DNAH17: variants seen among roughly 807,000 people sequenced by gnomAD.
The protein encoded by DNAH17 is dynein axonemal heavy chain 17, also known as axonemal beta dynein heavy chain 17.
DNAH17 carries 376 observed loss-of-function variants against 485.6 expected under a neutral mutation model. The observed-to-expected ratio is 0.77, with a 90% CI of 0.71 to 0.84. DNAH17 has a LOEUF of 0.84. Ranked by LOEUF, DNAH17 falls within the 40% of genes least tolerant of loss-of-function variation. The probability of loss-of-function intolerance (pLI) is 0.00; values close to 1 mark genes in which losing one functional copy is unlikely to be tolerated. For synonymous variants in DNAH17, 3,031 were observed against 2,405.9 expected (o/e 1.26, Z -7.60); for missense variants, 6,370 against 5,839.3 (o/e 1.09, Z -2.96).
Position 78,572,731 on chromosome 17 carries a change from CTG to C in DNAH17, c.507_508del (p.Ser170ProfsTer24). 1 of 1,610,886 alleles carries C rather than the reference CTG, an allele frequency of 6.2e-7. No individual in the cohort carries two copies. ...CATGGACTCCAGCGTGCCATCCAGG[CTG>C]CCCAGGTGCTCCGGAATAGGCAGCA... On this transcript the variant is annotated frameshift_variant, in exon 3 of 81. Transcript: ENST00000389840. LOFTEE classifies it high-confidence loss of function.
At chr17:78,557,889 C>T (rs541424834) in intron 14 of DNAH17, among the ~76,000 whole-genome samples, 4 of 151,952 alleles carry the variant, frequency 2.6e-5, no homozygotes, top group South Asian at 2.1e-4. Context: ...CAGAACAGGA[C>T]GGCAGGACAG....
At chr17:78,514,401 A>C (rs1039882904) in intron 26 of DNAH17, among the ~76,000 whole-genome samples, 1 of 147,140 alleles carries the variant, frequency 6.8e-6, no homozygotes, top group African/African-American at 2.5e-5. Context: ...GCTACTTGGG[A>C]GGCTAAGGCA....
In DNAH17 at chr17:78,574,988, G is replaced by C. The variant is rs755496520; in HGVS notation, c.70C>G (p.Pro24Ala). ...CCTATCAGCTTGCTCCACTTGTCCG[G>C]CTTGAACTTCAGGACGATGGAGGCA... Reference protein sequence around the residue: ...EVASIVLKFKPDKWSKLIGAE... With the variant: ...EVASIVLKFKADKWSKLIGAE... Residue 24 changes from proline (P) to alanine (A), a missense_variant, in exon 2 of 81, where the codon CCG becomes GCG. Transcript: ENST00000389840. 6.8e-6 allele frequency: 11 copies of C among 1,613,862 alleles called. No homozygotes were observed. Among genetic ancestry groups the C allele is most frequent in the Non-Finnish European group, 6.8e-6 (8 of 1,179,888 alleles).
In DNAH17 at chr17:78,449,560, C is replaced by G. The variant is rs769798737; in HGVS notation, c.11065G>C (p.Ala3689Pro). 6 of 1,606,650 alleles carry G rather than the reference C, an allele frequency of 3.7e-6. No individual in the cohort carries two copies. The East Asian group carries it at 9.0e-5, about 24-fold the overall frequency. ...LKAFNVVFEK[A>P]IQRTTPANEV... Reference sequence around the variant, plus strand: ...TTGGCAGGGGTGGTCCTCTGGATGGCTTTCTCAAACACCACGTTGAAGGCC... The same window carrying G: ...TTGGCAGGGGTGGTCCTCTGGATGGGTTTCTCAAACACCACGTTGAAGGCC... The change falls in exon 69 of 81, where the codon GCC (alanine) becomes CCC (proline). Residue 3689 changes from alanine to proline, a missense_variant. Coordinates refer to ENST00000389840, the MANE Select transcript of DNAH17 (RefSeq NM_173628.4).
In DNAH17 at chr17:78,475,499, C is replaced by T. The variant is rs577950182; in HGVS notation, c.8320-30G>A. On this transcript the variant is annotated intron_variant, in intron 53 of 80. Coordinates refer to ENST00000389840, the MANE Select transcript of DNAH17 (RefSeq NM_173628.4). ...AGAAACCGGAGAGATCCCACAACATCTTGTAGCACCTGGAATCACCTCTGT... is the reference window on the plus strand; with the variant it reads ...AGAAACCGGAGAGATCCCACAACATTTTGTAGCACCTGGAATCACCTCTGT... 13 of 1,612,816 alleles carry T rather than the reference C, an allele frequency of 8.1e-6. No homozygotes were observed. The East Asian group carries it at 8.9e-5, about 11-fold the overall frequency.
At chr17:78,431,444 G>A (rs1329005919) in intron 75 of DNAH17, among the ~76,000 whole-genome samples, 3 of 141,126 alleles carry the variant, frequency 2.1e-5, no homozygotes, top group Non-Finnish European at 4.6e-5. Context: ...TACCTGCTGA[G>A]GGAACCCCCC....
At chr17:78,570,197 G>C in intron 7 of DNAH17, 50 bp downstream of exon 7, 2 of 1,530,964 alleles carry the variant, frequency 1.3e-6, no homozygotes, top group South Asian at 2.5e-5. Flanking sequence ...CCGGGGAGGG[G>C]ACCCAGCCAG....
intron 11 of DNAH17, among the ~76,000 whole-genome samples, chr17:78,562,772 T>G (rs771785748): frequency 5.9e-5 from 9 of 152,204 alleles, no homozygotes; most frequent in Non-Finnish European, 1.3e-4. Context: ...GCACTGCCAC[T>G]CTCAAGGGCA....
rs1347686415 is a variant in DNAH17, at chr17:78,494,917, A to G, written c.6042+42T>C. 2.5e-6 allele frequency: 4 copies of G among 1,590,616 alleles called. No homozygotes were observed. The South Asian group carries it at 4.5e-5, about 18-fold the overall frequency. ...AACCCTGGCTGCTGCCCGCATCTCA[A>G]ACTCCCACCCACACCCGCCGTGAGC... is the stretch of plus-strand genomic sequence containing the variant. On this transcript the variant is annotated intron_variant, in intron 39 of 80. Coordinates refer to ENST00000389840, the MANE Select transcript of DNAH17 (RefSeq NM_173628.4).
rs560559170 is a variant in DNAH17, at chr17:78,459,475, C to T, written c.9654-267G>A. ...GAGGGATGAGATGCAGACGAGATGA[C>T]GTGGCAGGTGTTACATTTTGGGGAC... is the stretch of plus-strand genomic sequence containing the variant. On this transcript the variant is annotated intron_variant, in intron 60 of 80. Transcript: ENST00000389840. 2.3e-4 allele frequency among the ~76,000 whole-genome samples: 35 copies of T among 152,324 alleles called. No homozygotes were observed. In the South Asian group the frequency reaches 6.4e-3, roughly 28 times the overall value.
intron 64 of DNAH17, among the ~76,000 whole-genome samples, chr17:78,453,798 C>T (rs1475399531): frequency 6.6e-6 from 1 of 152,208 alleles, no homozygotes; most frequent in African/African-American, 2.4e-5. Flanking sequence ...AGTGATCCTC[C>T]CATCGCAGCC....
intron 3 of DNAH17, 51 bp from the exon 4 acceptor site, chr17:78,571,833 TCCCACCAAGCTCTCCCATGAATCCTTCTG>T (rs2092363184): frequency 6.7e-7 from 1 of 1,502,536 alleles, no homozygotes; most frequent in Non-Finnish European, 9.0e-7. Context: ...CACACGTGGG[TCCCACCAAGCTCTCCCATGAATCCTTCTG>T]CCCACCAATC....
intron 75 of DNAH17, among the ~76,000 whole-genome samples, chr17:78,430,015 G>A (rs912543337): frequency 6.6e-6 from 1 of 152,126 alleles, no homozygotes; most frequent in African/African-American, 2.4e-5. Context: ...CACGCCAGGC[G>A]ACCACACGCT....
At chr17:78,514,725 G>C (rs774848792) in intron 26 of DNAH17, 49 bp downstream of exon 26, 3 of 1,589,934 alleles carry the variant, frequency 1.9e-6, no homozygotes, top group East Asian at 2.3e-5. Context: ...TCCTGCAGCA[G>C]AGCTGGCCGC....
Position 78,567,115 on chromosome 17 carries a change from C to CA in DNAH17, c.1335dup (p.Gly446TrpfsTer17), listed in dbSNP as rs759667722. 6.2e-7 allele frequency: 1 copy of CA among 1,611,378 alleles called. No individual in the cohort carries two copies. Among genetic ancestry groups the CA allele is most frequent in the Non-Finnish European group, 8.5e-7 (1 of 1,178,788 alleles). On this transcript the variant is annotated frameshift_variant, in exon 10 of 81. Coordinates refer to ENST00000389840, the MANE Select transcript of DNAH17 (RefSeq NM_173628.4). LOFTEE classifies it high-confidence loss of function. ...CCGAGGAGGTTCCCACGCACGCCCC[C>CA]AAGCTCGATTTTCTCCAGCTTCAGA...
chr17:78,456,394 C>T (rs1043865863), intron 62 of DNAH17, among the ~76,000 whole-genome samples: 1 of 147,654 alleles, frequency 6.8e-6, no homozygotes, highest in African/African-American at 2.7e-5. Flanking sequence ...CCCGCATTGA[C>T]ACCCAAGTTG....
At chr17:78,514,711 C>A in intron 26 of DNAH17, 63 bp downstream of exon 26, 1 of 1,568,566 alleles carries the variant, frequency 6.4e-7, no homozygotes. Flanking sequence ...CTCAGGCCAG[C>A]CCATCCTGCA....
rs751939124 is a variant in DNAH17, at chr17:78,459,023, G to C, written c.9839C>G (p.Ser3280Cys). The C allele has an allele frequency of 6.2e-7, 1 of 1,614,056 alleles. No individual in the cohort carries two copies. The highest frequency in any genetic ancestry group is 8.5e-7 in the Non-Finnish European group (1 of 1,179,904). ...AELAEAQEKL[S>C]RIKNKIAELN... ...TACGGCAATCTTGTTTTTGATCCGG[G>C]ACAGCTTCTCTTGTGCCTCTGCCAG... The change falls in exon 61 of 81, where the codon TCC (serine) becomes TGC (cysteine). Residue 3280 changes from serine (S) to cysteine (C), a missense_variant. Coordinates refer to ENST00000389840, the MANE Select transcript of DNAH17 (RefSeq NM_173628.4).
chr17:78,433,923 A>AAGGAGGGAGGGAAGGAG, intron 75 of DNAH17, 106 bp downstream of exon 75: 2 of 553,066 alleles, frequency 3.6e-6, no homozygotes, highest in Non-Finnish European at 5.5e-6. Context: ...AAGGGAGGGA[A>AAGGAGGGAGGGAAGGAG]GGAAGGAGGG....
Sources: gnomAD v4.1 joint callset for allele counts (sites outside exome capture counted in the v4.1 genomes callset) on GRCh38, gnomAD v4.1.1 for gene constraint, MANE v1.5 for transcripts, NCBI Gene and HGNC (gene_info 2026-07-23, HGNC 2026-07-21) for gene names.